KDM6B: variants seen among roughly 807,000 people sequenced by gnomAD.
KDM6B encodes lysine demethylase 6B.
KDM6B carries 22 observed loss-of-function variants against 150.4 expected under a neutral mutation model. The observed-to-expected ratio is 0.15, with a 90% confidence interval of 0.10 to 0.21. KDM6B has a LOEUF of 0.21. Ranked by LOEUF, KDM6B falls within the 10% of genes least tolerant of loss-of-function variation. The pLI, the probability that KDM6B is intolerant of heterozygous loss-of-function variation, is 1.00. For synonymous variants in KDM6B, 1,148 were observed against 921.1 expected (o/e 1.25, Z -4.46); for missense variants, 1,984 against 2,234.3 (o/e 0.89, Z 2.26).
chr17:7,850,204 G>C (rs371354114), intron 14 of KDM6B, 27 bp downstream of exon 14: 18 of 1,584,140 alleles, frequency 1.1e-5, no homozygotes, highest in Non-Finnish European at 1.6e-5. Context: ...GAAAGTGTTA[G>C]GGAGGGCTAC....
chr17:7,851,927 G>A, intron 18 of KDM6B, 24 bp from the exon 19 acceptor site: 1 of 1,611,534 alleles, frequency 6.2e-7, no homozygotes, highest in Non-Finnish European at 8.5e-7. Context: ...GGCCAGCCAT[G>A]CCGTTCTCTG....
At position 7,846,315 on chromosome 17, in the gene KDM6B, G is replaced by C. The variant is rs767140372; in HGVS notation, c.456+18G>C. ...TGCAGCAGGTAGGAGAAGGCAGGGC[G>C]TGGGGGACGGGATTGTACGATTGTG... On this transcript the variant is annotated intron_variant, in intron 7 of 23. Transcript: ENST00000448097. 1 of 1,604,868 alleles carries C rather than the reference G, an allele frequency of 6.2e-7. No individual in the cohort carries two copies. Among genetic ancestry groups the C allele is most frequent in the African/African-American group, 1.3e-5 (1 of 74,648 alleles).
Position 7,849,250 on chromosome 17 carries a change from C to T in KDM6B, c.2962C>T (p.Arg988Trp), listed in dbSNP as rs970486254. The T allele has an allele frequency of 1.9e-5, 29 of 1,562,136 alleles. No homozygotes were observed. Among genetic ancestry groups the T allele is most frequent in the African/African-American group, 2.7e-5 (2 of 73,412 alleles). The change falls in exon 12 of 24, where the codon CGG becomes TGG. Residue 988 changes from arginine (R) to tryptophan (W), a missense_variant. This residue lies in a region of KDM6B where 1,379 missense variants were observed against 1,275.6 expected (regional missense o/e 1.08). Transcript: ENST00000448097. Reference protein sequence around the residue: ...EHQKEHRRHRRACKDSVGRRP... With the variant: ...EHQKEHRRHRWACKDSVGRRP... ...TCAGAAGGAGCATCGGCGGCACAGG[C>T]GGGCCTGTAAGGACAGTGTGGGTCG...
chr17:7,851,958 G>A lies in KDM6B; in HGVS notation c.4173G>A (p.Gln1391=), dbSNP rs1224593000. The A allele has an allele frequency of 1.2e-6, 2 of 1,613,936 alleles. No homozygotes were observed. The highest frequency in any genetic ancestry group is 1.7e-6 in the Non-Finnish European group (2 of 1,180,010). Residue 1391 remains glutamine, a synonymous_variant, in exon 19 of 24, where the codon CAG becomes CAA. Coordinates refer to ENST00000448097, the MANE Select transcript of KDM6B (RefSeq NM_001348716.2). ...KVPGSRTPGH[Q]ENNNFCSVNI... Reference sequence around the variant, plus strand: ...CTCTGTCGACCCCTGCAGGCCACCAGGAGAATAACAACTTCTGCTCCGTCA... The same window carrying A: ...CTCTGTCGACCCCTGCAGGCCACCAAGAGAATAACAACTTCTGCTCCGTCA...
intron 1 of KDM6B, among the ~76,000 whole-genome samples, 154 bp from the exon 2 acceptor site, chr17:7,839,752 T>C (rs1304610128): frequency 1.3e-5 from 2 of 152,148 alleles, no homozygotes; most frequent in African/African-American, 4.8e-5. Flanking sequence ...GATGACCACT[T>C]TGGGGATGGC....
chr17:7,835,621 G>T (rs1162410422), intron 1 of KDM6B, among the ~76,000 whole-genome samples: 2 of 152,088 alleles, frequency 1.3e-5, no homozygotes. Flanking sequence ...CTGACGTCAG[G>T]GCCCTGGCAG....
intron 20 of KDM6B, 27 bp from the exon 21 acceptor site, chr17:7,852,468 C>A: frequency 6.2e-7 from 1 of 1,604,742 alleles, no homozygotes; most frequent in South Asian, 1.1e-5. Flanking sequence ...GTTTGAGAGT[C>A]CTGTTGTGAT....
chr17:7,851,919 C>G (rs765773158), intron 18 of KDM6B, 32 bp from the exon 19 acceptor site: 1 of 1,609,238 alleles, frequency 6.2e-7, no homozygotes, highest in South Asian at 1.1e-5. Context: ...TCCGACCTGG[C>G]CAGCCATGCC....
At position 7,845,002 on chromosome 17, in the gene KDM6B, AC is replaced by A; in HGVS notation, c.-166del. ...TGGAGCTTGCCGACGCGGTGTGAGGACGCTCCCACGGAGGCCGGGTAAGCGG... is the reference window on the plus strand; with the variant it reads ...TGGAGCTTGCCGACGCGGTGTGAGGAGCTCCCACGGAGGCCGGGTAAGCGG... On this transcript the variant is annotated 5_prime_UTR_variant, in exon 3 of 24. Coordinates refer to ENST00000448097, the MANE Select transcript of KDM6B (RefSeq NM_001348716.2). 4 of 182,834 alleles carry A rather than the reference AC, an allele frequency of 2.2e-5. No homozygotes were observed. Among genetic ancestry groups the A allele is most frequent in the South Asian group, 2.0e-4 (2 of 10,130 alleles). 11.3% of individuals were successfully genotyped at this position (182,834 alleles called of 1,614,324 possible).
chr17:7,844,057 A>ACCCC lies in KDM6B; in HGVS notation c.-268-836_-268-833dup, dbSNP rs71159529. On this transcript the variant is annotated intron_variant, in intron 2 of 23. Coordinates refer to ENST00000448097, the MANE Select transcript of KDM6B (RefSeq NM_001348716.2). The surrounding 1 kb of genome is among the most constrained non-coding windows in gnomAD (Gnocchi z 5.9). Reference sequence around the variant, plus strand: ...GCCCCGCCCTCCTCCCTCCCTCAGGACCCCCCCCCCCGCAGTACATTTACA... The same window carrying ACCCC: ...GCCCCGCCCTCCTCCCTCCCTCAGGACCCCCCCCCCCCCCCGCAGTACATTTACA... 1 of 75,362 alleles carries ACCCC rather than the reference A, an allele frequency of 1.3e-5. No individual in the cohort carries two copies. Among genetic ancestry groups the ACCCC allele is most frequent in the African/African-American group, 5.1e-5 (1 of 19,488 alleles). The allele number at this position is 75,362 out of a possible 1,614,324, so 4.7% of individuals were successfully genotyped here. A position where few individuals can be genotyped will look rare whatever the true frequency, so the allele number is the denominator to read the frequency against.
rs766918483 is a variant in KDM6B, at chr17:7,843,682, T to C, written c.-268-1219T>C. ...CCGGCGCTCGCTCCAGCTGGAGCGC[T>C]GGCCCCGCCCCCGCGGCTTTGTACT... On this transcript the variant is annotated intron_variant, in intron 2 of 23. Transcript: ENST00000448097. This position sits in a 1 kb window ranked among gnomAD's most constrained non-coding sequence, Gnocchi z 4.5. Among the ~76,000 whole-genome samples, 3 of 151,842 alleles carry C rather than the reference T, an allele frequency of 2.0e-5. No individual in the cohort carries two copies. The highest frequency in any genetic ancestry group is 1.3e-4 in the Admixed American group (2 of 15,274).
chr17:7,850,891 TG>T, intron 14 of KDM6B, 129 bp from the exon 15 acceptor site: 1 of 833,710 alleles, frequency 1.2e-6, no homozygotes, highest in Non-Finnish European at 2.0e-6. Context: ...CTATTTCTTC[TG>T]GGCTGAGCTC....
chr17:7,851,018 C>T lies in KDM6B; in HGVS notation c.3674-3C>T. ...CGACACCCTGCTCGGCCCTCCCTTC[C>T]AGACTTGGGCCTCTTCTCCACCAAG... On this transcript the variant is annotated splice_polypyrimidine_tract_variant and splice_region_variant and intron_variant, in intron 14 of 23. Transcript: ENST00000448097. The T allele has an allele frequency of 6.2e-7, 1 of 1,600,086 alleles. No homozygotes were observed. Among genetic ancestry groups the T allele is most frequent in the Non-Finnish European group, 8.5e-7 (1 of 1,173,876 alleles).
In KDM6B at chr17:7,852,663, C is replaced by T. The variant is rs552925626; in HGVS notation, c.4610+27C>T. The T allele has an allele frequency of 2.5e-5, 41 of 1,613,746 alleles. No individual in the cohort carries two copies. The South Asian group carries it at 4.1e-4, about 16-fold the overall frequency. ...TGAGGACCCTATTTGGGTGGGAGCCCACCTCCACTGACTGGTCCCTTTTCT... is the reference window on the plus strand; with the variant it reads ...TGAGGACCCTATTTGGGTGGGAGCCTACCTCCACTGACTGGTCCCTTTTCT... On this transcript the variant is annotated intron_variant, in intron 21 of 23. Transcript: ENST00000448097.
chr17:7,842,718 C>T (rs918062492), intron 2 of KDM6B, among the ~76,000 whole-genome samples: 2 of 151,984 alleles, frequency 1.3e-5, no homozygotes, highest in African/African-American at 4.8e-5. Flanking sequence ...GGTGTGTGGG[C>T]TGAGGAGTTG....
chr17:7,844,713 A>T lies in KDM6B; in HGVS notation c.-268-188A>T, dbSNP rs1004069282. Among the ~76,000 whole-genome samples the T allele has an allele frequency of 6.6e-6, 1 of 152,016 alleles. No individual in the cohort carries two copies. The highest frequency in any genetic ancestry group is 6.5e-5 in the Admixed American group (1 of 15,268). On this transcript the variant is annotated intron_variant, in intron 2 of 23. Coordinates refer to ENST00000448097, the MANE Select transcript of KDM6B (RefSeq NM_001348716.2). This position sits in a 1 kb window ranked among gnomAD's most constrained non-coding sequence, Gnocchi z 5.9. ...CATGCGACTAACCGGCCTCATCCGC[A>T]TGCGTCTTGTCCTGGCTGCCTTCTG...
At position 7,853,851 on chromosome 17, in the gene KDM6B, C is replaced by G. The variant is rs1567806219; in HGVS notation, c.*330C>G. ...GCGGCGGGGGTCACATACGGGTTCC[C>G]TCACCCTGCCAGCCGCCCGCCCGCC... is the stretch of plus-strand genomic sequence containing the variant. On this transcript the variant is annotated 3_prime_UTR_variant, in exon 24 of 24. Transcript: ENST00000448097. 5.0e-6 allele frequency: 1 copy of G among 200,068 alleles called. No individual in the cohort carries two copies. Among genetic ancestry groups the G allele is most frequent in the Admixed American group, 6.1e-5 (1 of 16,446 alleles). The allele number at this position is 200,068 out of a possible 1,614,324, so 12.4% of individuals were successfully genotyped here.
chr17:7,851,928 C>G (rs1433716012), intron 18 of KDM6B, 23 bp from the exon 19 acceptor site: 2 of 1,610,864 alleles, frequency 1.2e-6, no homozygotes, highest in Non-Finnish European at 1.7e-6. Flanking sequence ...GCCAGCCATG[C>G]CGTTCTCTGT....
chr17:7,852,101 C>A, intron 19 of KDM6B, 36 bp downstream of exon 19: 1 of 1,613,594 alleles, frequency 6.2e-7, no homozygotes, highest in South Asian at 1.1e-5. Context: ...ACTGCCGCGT[C>A]CCCGCCCTCG....
Sources: allele counts gnomAD v4.1 joint callset (sites outside exome capture counted in the v4.1 genomes callset), GRCh38; gene constraint gnomAD v4.1.1; regional missense constraint gnomAD v4.1.1; non-coding constraint Gnocchi (gnomAD v3.1); transcripts MANE v1.5; gene names NCBI Gene and HGNC (gene_info 2026-07-23, HGNC 2026-07-21).